KIAA0586: variants seen among roughly 807,000 people sequenced by gnomAD.
The protein encoded by KIAA0586 is KIAA0586.
In KIAA0586, 144 loss-of-function variants were observed where a neutral mutation model predicts 169.8. The observed-to-expected ratio is 0.85, with a 90% CI of 0.74 to 0.97. KIAA0586 has a LOEUF of 0.97. Among genes scored for constraint, KIAA0586 ranks in the 50% least tolerant of loss-of-function variants. The pLI, the probability that KIAA0586 is intolerant of heterozygous loss-of-function variation, is 0.00. For missense variants in KIAA0586, 1,854 were observed against 1,823.0 expected, an observed-to-expected ratio of 1.02 and a Z score of -0.31; for synonymous variants, 625 against 612.4, an observed-to-expected ratio of 1.02 and a Z score of -0.30.
intron 29 of KIAA0586, chr14:58,537,123 A>G: frequency 8.6e-7 from 1 of 1,162,100 alleles, no homozygotes; most frequent in African/African-American, 1.6e-5. Flanking sequence ...TGCAGAGCAC[A>G]ATACTCACCC....
chr14:58,527,933 C>T (rs1457623243), intron 29 of KIAA0586, among the ~76,000 whole-genome samples: 1 of 152,104 alleles, frequency 6.6e-6, no homozygotes, highest in African/African-American at 2.4e-5. Context: ...TGAGTCAAGA[C>T]CCATCGGTGT....
chr14:58,471,899 A>C (rs2041248727), intron 17 of KIAA0586, among the ~76,000 whole-genome samples: 1 of 152,150 alleles, frequency 6.6e-6, no homozygotes, highest in African/African-American at 2.4e-5. Context: ...CCTTTATCTT[A>C]ATTCTGGAAG....
intron 27 of KIAA0586, among the ~76,000 whole-genome samples, chr14:58,500,991 A>C (rs1347927035): frequency 1.3e-5 from 2 of 152,166 alleles, no homozygotes; most frequent in Non-Finnish European, 2.9e-5. Context: ...GCAAGTATTG[A>C]TTTGGGGGGT....
At chr14:58,444,461 T>G (rs1307248637) in intron 6 of KIAA0586, among the ~76,000 whole-genome samples, 1 of 152,138 alleles carries the variant, frequency 6.6e-6, no homozygotes, top group Non-Finnish European at 1.5e-5. Flanking sequence ...TTTGCTATGG[T>G]TGCCCAGGCT....
At position 58,536,518 on chromosome 14, in the gene KIAA0586, A is replaced by G. The variant is rs541175258; in HGVS notation, c.4430-3553A>G. Among the ~76,000 whole-genome samples, 11 of 152,322 alleles carry G rather than the reference A, an allele frequency of 7.2e-5. No homozygotes were observed. In the East Asian group the frequency reaches 2.1e-3, roughly 29 times the overall value. On this transcript the variant is annotated intron_variant, in intron 29 of 30. Transcript: ENST00000652326. ...GGCTGTGTAGTATTCCTTGAAAAATACCAATTTTTGAAAAGGATGTACACT... is the reference window on the plus strand; with the variant it reads ...GGCTGTGTAGTATTCCTTGAAAAATGCCAATTTTTGAAAAGGATGTACACT...
rs563160343 is a variant in KIAA0586, at chr14:58,537,565, C to G, written c.4430-2506C>G. Among the ~76,000 whole-genome samples the G allele has an allele frequency of 3.0e-4, 45 of 152,346 alleles. No individual in the cohort carries two copies. In the South Asian group the frequency reaches 3.9e-3, roughly 13 times the overall value. On this transcript the variant is annotated intron_variant, in intron 29 of 30. Coordinates refer to ENST00000652326, the MANE Select transcript of KIAA0586 (RefSeq NM_001329943.3). The stretch of plus-strand genomic sequence containing the variant: ...TGGAGGGACCAAGCAGTAATAATTT[C>G]TGTCCCTCTCTAACTCTTGGAAGTT...
intron 30 of KIAA0586, among the ~76,000 whole-genome samples, chr14:58,546,291 A>G (rs1659425849): frequency 6.6e-6 from 1 of 152,182 alleles, no homozygotes; most frequent in African/African-American, 2.4e-5. Flanking sequence ...AGTATTTAAA[A>G]TAGTCTTTAT....
rs754726672 is a variant in KIAA0586 at position 58,465,963 on chromosome 14, A to G, written c.2188A>G (p.Ser730Gly). The G allele has an allele frequency of 1.9e-6, 3 of 1,613,652 alleles. No individual in the cohort carries two copies. The South Asian group carries it at 3.3e-5, about 18-fold the overall frequency. Residue 730 changes from serine (S) to glycine (G), a missense_variant, in exon 15 of 31, where the codon AGT (serine) becomes GGT (glycine). Physicochemically the swap from Ser to Gly is moderately conservative, Grantham distance 56. Transcript: ENST00000652326. The part of the protein sequence containing the change: ...HGDQQYLFSP[S>G]REMPTFSGTL... Reference sequence around the variant, plus strand: ...CGATCAGCAATATTTGTTCAGCCCAAGTAGAGAAATGCCTACTTTTTCAGG... The same window carrying G: ...CGATCAGCAATATTTGTTCAGCCCAGGTAGAGAAATGCCTACTTTTTCAGG...
At chr14:58,484,122 G>A (rs2042213975) in intron 21 of KIAA0586, among the ~76,000 whole-genome samples, 1 of 152,010 alleles carries the variant, frequency 6.6e-6, no homozygotes, top group Non-Finnish European at 1.5e-5. Flanking sequence ...TTTTGGGGTT[G>A]GTAAAAGTTG....
At chr14:58,487,555 G>T (rs909159676) in intron 22 of KIAA0586, among the ~76,000 whole-genome samples, 1 of 151,484 alleles carries the variant, frequency 6.6e-6, no homozygotes, top group Non-Finnish European at 1.5e-5. Context: ...GCAGTGAGCC[G>T]AGATCGCACC....
intron 29 of KIAA0586, among the ~76,000 whole-genome samples, chr14:58,532,879 A>G (rs1385557352): frequency 2.0e-5 from 3 of 152,162 alleles, no homozygotes; most frequent in Non-Finnish European, 2.9e-5. Flanking sequence ...ATTACTCGTT[A>G]TGGAATATAT....
chr14:58,459,249 T>C lies in KIAA0586; in HGVS notation c.1657-594T>C, dbSNP rs141683090. Among the ~76,000 whole-genome samples the C allele has an allele frequency of 2.6e-3, 398 of 152,224 alleles. 2 individuals carry two copies. Among genetic ancestry groups the C allele is most frequent in the Non-Finnish European group, 3.0e-3 (207 of 67,968 alleles). ...AACACAGAAATATATTTTAAAACTT[T>C]GTTGTTGAAGAATATATATTTCTAA... On this transcript the variant is annotated intron_variant, in intron 12 of 30. Transcript: ENST00000652326.
chr14:58,551,504 G>A (rs899999740), downstream of KIAA0586, among the ~76,000 whole-genome samples: 3 of 152,170 alleles, frequency 2.0e-5, no homozygotes, highest in African/African-American at 4.8e-5. Flanking sequence ...GTTCACACCT[G>A]TAATCCCAGC....
At chr14:58,455,711 CATGCACATGCATGTGCTAG>C (rs1047010800) in intron 9 of KIAA0586, among the ~76,000 whole-genome samples, 2 of 151,882 alleles carry the variant, frequency 1.3e-5, no homozygotes, top group African/African-American at 4.8e-5. Context: ...TGTGCGAGTG[CATGCACATGCATGTGCTAG>C]AGCATGCCTC....
intron 7 of KIAA0586, 104 bp from the exon 8 acceptor site, chr14:58,450,475 T>G: frequency 1.5e-6 from 1 of 667,068 alleles, no homozygotes; most frequent in Non-Finnish European, 2.6e-6. Flanking sequence ...TGTTCATCAT[T>G]TATAATTTTG....
At chr14:58,459,784 A>T (rs1413372093) in intron 12 of KIAA0586, 59 bp from the exon 13 acceptor site, 7 of 928,998 alleles carry the variant, frequency 7.5e-6, no homozygotes, top group Non-Finnish European at 1.1e-5. Flanking sequence ...ATACTTTCTG[A>T]TGTGAAAGCA....
chr14:58,542,987 G>C (rs1417285800), intron 30 of KIAA0586, among the ~76,000 whole-genome samples: 1 of 151,966 alleles, frequency 6.6e-6, no homozygotes, highest in Non-Finnish European at 1.5e-5. Context: ...AATTAGCCGG[G>C]CGTGGTGGCG....
chr14:58,445,189 G>A (rs1257298101), intron 6 of KIAA0586, among the ~76,000 whole-genome samples: 4 of 151,760 alleles, frequency 2.6e-5, no homozygotes, highest in Non-Finnish European at 4.4e-5. Context: ...GCCTTTCAGT[G>A]ATTTTGAGCC....
intron 24 of KIAA0586, among the ~76,000 whole-genome samples, chr14:58,489,159 G>A (rs973185357): frequency 6.0e-5 from 9 of 150,964 alleles, no homozygotes; most frequent in East Asian, 2.0e-4. Context: ...AAATACATAC[G>A]TATGTGGATG....
Sources: allele counts gnomAD v4.1 joint callset (sites outside exome capture counted in the v4.1 genomes callset), GRCh38; gene constraint gnomAD v4.1.1; transcripts MANE v1.5; gene names NCBI Gene and HGNC (gene_info 2026-07-23, HGNC 2026-07-21).